The following VIPR2 variants were observed in gnomAD, a reference collection of about 807,000 sequenced individuals.
VIPR2 encodes vasoactive intestinal peptide receptor 2.
VIPR2 carries 48 observed loss-of-function variants against 58.0 expected under a neutral mutation model. The observed-to-expected ratio is 0.83, with a 90% confidence interval of 0.66 to 1.05. The LOEUF is 1.05. Among genes scored for constraint, VIPR2 ranks in the 50% least tolerant of loss-of-function variants. VIPR2 has a pLI of 0.00. For missense variants in VIPR2, 534 were observed against 558.0 expected, an observed-to-expected ratio of 0.96 and a Z score of 0.43; for synonymous variants, 243 against 235.2, an observed-to-expected ratio of 1.03 and a Z score of -0.30.
chr7:159,089,909 G>A (rs1308703785), intron 4 of VIPR2, among the ~76,000 whole-genome samples: 1 of 152,250 alleles, frequency 6.6e-6, no homozygotes, highest in Non-Finnish European at 1.5e-5. Context: ...GGAGAGAAAA[G>A]AAGAGCAAAT....
chr7:159,061,652 C>CA (rs35646553), intron 4 of VIPR2, among the ~76,000 whole-genome samples: 12,943 of 143,228 alleles, frequency 0.09, 652 homozygotes, highest in Non-Finnish European at 0.11. Flanking sequence ...GGACCTGTCG[C>CA]AAAAAAAAAA....
chr7:159,138,297 G>A (rs1797312708), intron 2 of VIPR2, among the ~76,000 whole-genome samples: 1 of 152,224 alleles, frequency 6.6e-6, no homozygotes, highest in Non-Finnish European at 1.5e-5. Context: ...GGGGTTAGGT[G>A]TAAAATGGGT....
chr7:159,034,562 G>T lies in VIPR2; in HGVS notation c.879+19C>A. On this transcript the variant is annotated intron_variant, in intron 9 of 12. Coordinates refer to ENST00000262178, the MANE Select transcript of VIPR2 (RefSeq NM_003382.5). Reference sequence around the variant, plus strand: ...GTGTGATTCCACAGATAATCCACATGTCAACAGGGACTACTTACGATGATG... The same window carrying T: ...GTGTGATTCCACAGATAATCCACATTTCAACAGGGACTACTTACGATGATG... 1 of 1,608,348 alleles carries T rather than the reference G, an allele frequency of 6.2e-7. No homozygotes were observed. The highest frequency in any genetic ancestry group is 8.5e-7 in the Non-Finnish European group (1 of 1,174,858).
intron 4 of VIPR2, among the ~76,000 whole-genome samples, chr7:159,068,658 C>T (rs756026628): frequency 3.3e-5 from 5 of 152,204 alleles, no homozygotes; most frequent in South Asian, 2.1e-4. Flanking sequence ...GCTGCTGTGA[C>T]GTTTGTTGTA....
At position 159,031,501 on chromosome 7, in the gene VIPR2, G is replaced by C; in HGVS notation, c.1143+327C>G. The C allele has an allele frequency of 1.0e-6, 1 of 985,312 alleles. No individual in the cohort carries two copies. Among genetic ancestry groups the C allele is most frequent in the Non-Finnish European group, 1.2e-6 (1 of 829,892 alleles). 61.0% of individuals were successfully genotyped at this position (985,312 alleles called of 1,614,324 possible). ...CGGCTTTCTGGGACTCACAAGCTAT[G>C]GTCAGGAGCGAGACGCCGACCATGG... On this transcript the variant is annotated intron_variant, in intron 12 of 12. Coordinates refer to ENST00000262178, the MANE Select transcript of VIPR2 (RefSeq NM_003382.5). The surrounding 1 kb of genome is among the most constrained non-coding windows in gnomAD (Gnocchi z 4.0).
chr7:159,044,357 G>A (rs1251629073), intron 5 of VIPR2, among the ~76,000 whole-genome samples: 1 of 151,986 alleles, frequency 6.6e-6, no homozygotes, highest in Non-Finnish European at 1.5e-5. Context: ...CCTAGAAGTG[G>A]GAGACTGTGA....
intron 4 of VIPR2, among the ~76,000 whole-genome samples, chr7:159,079,247 G>T (rs1469738109): frequency 2.6e-5 from 4 of 152,138 alleles, no homozygotes; most frequent in South Asian, 4.1e-4. Flanking sequence ...AAATGTAAAA[G>T]AACAGAAATT....
intron 4 of VIPR2, among the ~76,000 whole-genome samples, chr7:159,068,876 G>C (rs1190681355): frequency 6.6e-6 from 1 of 152,210 alleles, no homozygotes; most frequent in Non-Finnish European, 1.5e-5. Flanking sequence ...TAAACAGTCA[G>C]AAAACAGTGT....
intron 2 of VIPR2, among the ~76,000 whole-genome samples, chr7:159,111,679 C>CAA (rs529342001): frequency 0.016 from 2,291 of 142,292 alleles, 31 homozygotes; most frequent in Admixed American, 0.036. Context: ...GATTCCGTCT[C>CAA]AAAAAAAAAA....
chr7:159,124,891 G>A (rs1189843686), intron 2 of VIPR2, among the ~76,000 whole-genome samples: 4 of 152,048 alleles, frequency 2.6e-5, no homozygotes, highest in Non-Finnish European at 5.9e-5. Flanking sequence ...TATTCTTTTT[G>A]TGGCAATTGT....
chr7:159,054,167 C>T (rs1331999058), intron 5 of VIPR2, among the ~76,000 whole-genome samples: 1 of 152,172 alleles, frequency 6.6e-6, no homozygotes, highest in African/African-American at 2.4e-5. Context: ...ACACTGAAAG[C>T]CCTAAAGAAA....
At chr7:159,032,399 C>T (rs1853651647) in intron 10 of VIPR2, among the ~76,000 whole-genome samples, 1 of 152,210 alleles carries the variant, frequency 6.6e-6, no homozygotes, top group African/African-American at 2.4e-5. Context: ...TACACAGGCC[C>T]CGCCTGGGAG....
Position 159,066,710 on chromosome 7 carries a change from G to A in VIPR2, c.358-8132C>T, listed in dbSNP as rs570214498. ...CTAGAGCTCAGTGATGATATTTCAA[G>A]GCAAGTTTCCCTATGCTCATTACTA... On this transcript the variant is annotated intron_variant, in intron 4 of 12. Coordinates refer to ENST00000262178, the MANE Select transcript of VIPR2 (RefSeq NM_003382.5). Among the ~76,000 whole-genome samples, 84 of 152,348 alleles carry A rather than the reference G, an allele frequency of 5.5e-4. 1 individual carries two copies. Among genetic ancestry groups the A allele is most frequent in the African/African-American group, 1.9e-3 (81 of 41,574 alleles).
chr7:159,071,549 G>A (rs1237683714), intron 4 of VIPR2, among the ~76,000 whole-genome samples: 3 of 152,186 alleles, frequency 2.0e-5, no homozygotes, highest in African/African-American at 7.2e-5. Flanking sequence ...CTCATCCCAA[G>A]GCCCAGGCCC....
chr7:159,117,836 C>G (rs1796296873), intron 2 of VIPR2, among the ~76,000 whole-genome samples: 1 of 152,230 alleles, frequency 6.6e-6, no homozygotes, highest in South Asian at 2.1e-4. Context: ...GGCTGGGGAA[C>G]AGCTCTAGGA....
chr7:159,117,222 C>T, intron 2 of VIPR2: 1 of 675,882 alleles, frequency 1.5e-6, no homozygotes. Context: ...GGTCCCTTGC[C>T]ATCTCAGACT....
At chr7:159,080,931 A>T (rs1303834619) in intron 4 of VIPR2, among the ~76,000 whole-genome samples, 1 of 152,218 alleles carries the variant, frequency 6.6e-6, no homozygotes, top group African/African-American at 2.4e-5. Context: ...GACCTCTTCA[A>T]GGAGAACTAC....
rs747914292 is a variant in VIPR2, at chr7:159,135,004, G to GTTTTTTTTTTTTTTTT, written c.151+7426_151+7441dup. ...TATTGGTCTTCTCTTAATTACAAAA[G>GTTTTTTTTTTTTTTTT]TTTTTTTTTTTTTTTTTTTTTTTTT... On this transcript the variant is annotated intron_variant, in intron 2 of 12. Coordinates refer to ENST00000262178, the MANE Select transcript of VIPR2 (RefSeq NM_003382.5). Among the ~76,000 whole-genome samples the GTTTTTTTTTTTTTTTT allele has an allele frequency of 6.2e-4, 41 of 65,956 alleles. 2 individuals are homozygous for GTTTTTTTTTTTTTTTT. The highest frequency in any genetic ancestry group is 1.0e-3 in the African/African-American group (16 of 15,384). The allele number at this position is 65,956 out of a possible 152,430, so 43.3% of individuals were successfully genotyped here. A position where few individuals can be genotyped will look rare whatever the true frequency, so the allele number is the denominator to read the frequency against.
rs530527860 is a variant in VIPR2, at chr7:159,084,386, G to A, written c.357+19371C>T. ...ACGCTGGAGGGCAGTGCCGCCAGGT[G>A]AGACAGGAACAGCGTGAGGCAGGAG... On this transcript the variant is annotated intron_variant, in intron 4 of 12. Coordinates refer to ENST00000262178, the MANE Select transcript of VIPR2 (RefSeq NM_003382.5). Among the ~76,000 whole-genome samples, 17 of 152,372 alleles carry A rather than the reference G, an allele frequency of 1.1e-4. No homozygotes were observed. The East Asian group carries it at 2.9e-3, about 26-fold the overall frequency.
Sources: gnomAD v4.1 joint callset for allele counts (sites outside exome capture counted in the v4.1 genomes callset) on GRCh38, gnomAD v4.1.1 for gene constraint, Gnocchi (gnomAD v3.1) non-coding constraint, MANE v1.5 for transcripts, NCBI Gene and HGNC (gene_info 2026-07-23, HGNC 2026-07-21) for gene names.